Variants in NFIB observed in about 807,000 individuals in gnomAD.
The protein encoded by NFIB is nuclear factor I B.
Under a neutral mutation model 61.5 loss-of-function variants are expected in NFIB, and 11 were observed. That is an observed-to-expected ratio of 0.18 (90% CI 0.11 to 0.30). The LOEUF (loss-of-function observed/expected upper bound fraction) is 0.30, where lower values mean the gene tolerates loss of function less well. NFIB is among the 10% of genes least tolerant of loss of function. NFIB has a pLI of 1.00. For synonymous variants in NFIB, 260 were observed against 216.5 expected (o/e 1.20, Z -1.76); for missense variants, 471 against 608.9 (o/e 0.77, Z 2.38).
intron 1 of NFIB, among the ~76,000 whole-genome samples, chr9:14,365,812 C>A (rs1588374914): frequency 6.6e-6 from 1 of 152,134 alleles, no homozygotes; most frequent in African/African-American, 2.4e-5. Context: ...GAGTATCAAG[C>A]GTGTTCCTTT....
intron 2 of NFIB, among the ~76,000 whole-genome samples, chr9:14,272,692 C>CAAAA (rs61391471): frequency 7.4e-5 from 5 of 67,228 alleles, no homozygotes; most frequent in African/African-American, 2.8e-4. Flanking sequence ...TCAATTCTCG[C>CAAAA]AAAAAAAAAA....
At chr9:14,219,665 G>A (rs376728744) in intron 2 of NFIB, among the ~76,000 whole-genome samples, 1 of 152,102 alleles carries the variant, frequency 6.6e-6, no homozygotes, top group East Asian at 1.9e-4. Context: ...ACTAAATGGT[G>A]AGCAATGTTA....
the NFIB span, among the ~76,000 whole-genome samples, chr9:14,504,172 T>C: frequency 1.3e-5 from 2 of 152,348 alleles, no homozygotes; most frequent in African/African-American, 4.8e-5. Context: ...CTCTATTCTG[T>C]TCCGTTGGTC....
At chr9:14,389,867 T>C (rs1380054627) in intron 1 of NFIB, among the ~76,000 whole-genome samples, 5 of 152,198 alleles carry the variant, frequency 3.3e-5, no homozygotes, top group Non-Finnish European at 7.3e-5. Context: ...ATTGAGTTGA[T>C]ATAGAATCAA....
chr9:14,272,976 G>A (rs2132345054), intron 2 of NFIB, among the ~76,000 whole-genome samples: 1 of 152,094 alleles, frequency 6.6e-6, no homozygotes, highest in South Asian at 2.1e-4. Flanking sequence ...AGTCTGCTTT[G>A]CCAAATCAGA....
At chr9:14,232,038 C>A (rs539471654) in intron 2 of NFIB, among the ~76,000 whole-genome samples, 2 of 152,126 alleles carry the variant, frequency 1.3e-5, no homozygotes, top group African/African-American at 4.8e-5. Context: ...TAAGGTAAAT[C>A]GCAGTCTCTT....
chr9:14,116,853 G>T (rs2038220282), intron 8 of NFIB, among the ~76,000 whole-genome samples: 1 of 152,110 alleles, frequency 6.6e-6, no homozygotes, highest in South Asian at 2.1e-4. Context: ...ACGAATTCTG[G>T]AATTTTCATC....
rs77438794 is a variant in NFIB, at chr9:14,356,157, C to T, written c.108+42367G>A. Among the ~76,000 whole-genome samples, 7 of 152,164 alleles carry T rather than the reference C, an allele frequency of 4.6e-5. No individual in the cohort carries two copies. In the East Asian group the frequency reaches 9.7e-4, roughly 21 times the overall value. On this transcript the variant is annotated intron_variant, in intron 1 of 8. Transcript: ENST00000380934. ...CAAAATATGCCTGAGGCTGGGGCAGCGTGAGACACTAGTACGCACTTTTTG... is the reference window on the plus strand; with the variant it reads ...CAAAATATGCCTGAGGCTGGGGCAGTGTGAGACACTAGTACGCACTTTTTG...
intron 2 of NFIB, among the ~76,000 whole-genome samples, chr9:14,202,110 A>T (rs2049101096): frequency 6.8e-6 from 1 of 147,332 alleles, no homozygotes; most frequent in Admixed American, 6.9e-5. Flanking sequence ...TATATTTTGA[A>T]GATAAAATTG....
chr9:14,337,812 G>A, intron 1 of NFIB, among the ~76,000 whole-genome samples: 1 of 152,126 alleles, frequency 6.6e-6, no homozygotes, highest in Non-Finnish European at 1.5e-5. Context: ...GTTTACTTTT[G>A]TTTCAGACAC....
chr9:14,201,815 C>A (rs2049064160), intron 2 of NFIB, among the ~76,000 whole-genome samples: 1 of 151,780 alleles, frequency 6.6e-6, no homozygotes, highest in African/African-American at 2.4e-5. Context: ...AAAAAAAAGT[C>A]ATAATGAGCT....
At chr9:14,244,040 CT>C (rs2054624343) in intron 2 of NFIB, among the ~76,000 whole-genome samples, 1 of 152,190 alleles carries the variant, frequency 6.6e-6, no homozygotes, top group Admixed American at 6.5e-5. Flanking sequence ...TAATACTAAT[CT>C]ATCATACGCA....
chr9:14,409,455 T>C, the NFIB span, among the ~76,000 whole-genome samples: 3 of 152,120 alleles, frequency 2.0e-5, no homozygotes, highest in African/African-American at 2.4e-5. Context: ...TACAGTAGGA[T>C]ATCCAGGAAT....
chr9:14,323,699 A>C lies in NFIB; in HGVS notation c.109-16179T>G, dbSNP rs556802822. 3.3e-5 allele frequency among the ~76,000 whole-genome samples: 5 copies of C among 152,328 alleles called. No homozygotes were observed. The East Asian group carries it at 9.7e-4, about 29-fold the overall frequency. On this transcript the variant is annotated intron_variant, in intron 1 of 8. Coordinates refer to the NFIB transcript ENST00000380934. ...TCTCTCTACTAAATGTGAGCACGTC[A>C]GTATTTTAATCTCAATTATGTTTAC...
At chr9:14,219,380 G>GGAAAAAA (rs1563914477) in intron 2 of NFIB, among the ~76,000 whole-genome samples, 2 of 9,746 alleles carry the variant, frequency 2.1e-4, no homozygotes, top group Non-Finnish European at 3.2e-4. Flanking sequence ...TAGCACTAGG[G>GGAAAAAA]TAAAAAAAAA....
chr9:14,405,248 G>A, the NFIB span, among the ~76,000 whole-genome samples: 2 of 152,174 alleles, frequency 1.3e-5, no homozygotes, highest in Non-Finnish European at 2.9e-5. Context: ...TGGTTATAGG[G>A]AGCAGAGCCT....
chr9:14,127,898 G>T (rs2039879098), intron 6 of NFIB, among the ~76,000 whole-genome samples: 2 of 136,990 alleles, frequency 1.5e-5, no homozygotes, highest in Admixed American at 1.5e-4. Flanking sequence ...TCAGAACTTT[G>T]ATGAGTCAGA....
rs2033105693 is a variant in NFIB, at chr9:14,087,840, G to T, written c.*469C>A. 4.5e-6 allele frequency: 1 copy of T among 224,538 alleles called. No individual in the cohort carries two copies. Among genetic ancestry groups the T allele is most frequent in the African/African-American group, 2.2e-5 (1 of 44,802 alleles). The allele number at this position is 224,538 out of a possible 1,614,324, so 13.9% of individuals were successfully genotyped here. On this transcript the variant is annotated 3_prime_UTR_variant, in exon 11 of 11. Coordinates refer to ENST00000380953, the MANE Select transcript of NFIB (RefSeq NM_001190737.2). ...TAGTGATTCCATGCGTAAACAACAA[G>T]AATACTAAACCAATAAAACTAGCTT...
At chr9:14,228,287 C>T (rs183309488) in intron 2 of NFIB, among the ~76,000 whole-genome samples, 98 of 151,662 alleles carry the variant, frequency 6.5e-4, no homozygotes, top group African/African-American at 2.2e-3. Flanking sequence ...CTCCGCCTCC[C>T]AGGTTTAAGC....
Sources: allele counts gnomAD v4.1 joint callset (sites outside exome capture counted in the v4.1 genomes callset), GRCh38; gene constraint gnomAD v4.1.1; transcripts MANE v1.5; gene names NCBI Gene and HGNC (gene_info 2026-07-23, HGNC 2026-07-21).